CCDC66: variants seen among roughly 807,000 people sequenced by gnomAD.
CCDC66 encodes coiled-coil domain containing 66.
In CCDC66, 133 loss-of-function variants were observed where a neutral mutation model predicts 128.3. The observed-to-expected ratio is 1.04, with a 90% CI of 0.90 to 1.20. The LOEUF is 1.20. Among genes scored for constraint, CCDC66 ranks in the 50% most tolerant of loss-of-function variants. The pLI is 0.00. For synonymous variants in CCDC66, 387 were observed against 357.0 expected, an observed-to-expected ratio of 1.08 and a Z score of -0.95; for missense variants, 1,126 against 1,075.5, an observed-to-expected ratio of 1.05 and a Z score of -0.66.
chr3:56,599,156 GTC>G (rs1202772959), intron 10 of CCDC66, among the ~76,000 whole-genome samples: 1 of 151,940 alleles, frequency 6.6e-6, no homozygotes, highest in African/African-American at 2.4e-5. Flanking sequence ...TAGCTTGTGT[GTC>G]TCCAGGAATT....
intron 3 of CCDC66, chr3:56,561,390 A>G (rs2065079218): frequency 5.0e-6 from 2 of 400,632 alleles, no homozygotes; most frequent in South Asian, 1.8e-5. Context: ...TAGGCCTATA[A>G]TAAAGTTACT....
At chr3:56,620,671 G>C (rs1444227715) in intron 17 of CCDC66, 1 of 152,192 alleles carries the variant, frequency 6.6e-6, no homozygotes, top group Non-Finnish European at 1.5e-5. Context: ...GTTACTAAGA[G>C]TTTTACATAA....
Position 56,613,008 on chromosome 3 carries a change from C to T in CCDC66, c.1405-581C>T, listed in dbSNP as rs555809894. On this transcript the variant is annotated intron_variant, in intron 10 of 17. Transcript: ENST00000394672. Reference sequence around the variant, plus strand: ...CTACTAGGGAGGGTGGGTTTGCTTTCAGTGGGTTGCTCTTGCAGATGGTGA... The same window carrying T: ...CTACTAGGGAGGGTGGGTTTGCTTTTAGTGGGTTGCTCTTGCAGATGGTGA... Among the ~76,000 whole-genome samples the T allele has an allele frequency of 5.6e-4, 85 of 152,316 alleles. No homozygotes were observed. The South Asian group carries it at 0.011, about 20-fold the overall frequency.
At chr3:56,617,979 A>G (rs2075733913) in intron 14 of CCDC66, 193 bp from the exon 15 acceptor site, 1 of 605,100 alleles carries the variant, frequency 1.7e-6, no homozygotes, top group Non-Finnish European at 2.9e-6. Context: ...ACATAGACAG[A>G]GGTTTGGGAG....
chr3:56,609,905 A>G (rs1291497748), intron 10 of CCDC66, among the ~76,000 whole-genome samples: 1 of 152,178 alleles, frequency 6.6e-6, no homozygotes, highest in Non-Finnish European at 1.5e-5. Flanking sequence ...TAGGGCCCCA[A>G]TCTCTTCTAG....
intron 13 of CCDC66, chr3:56,616,909 T>G: frequency 2.2e-6 from 1 of 454,890 alleles, no homozygotes; most frequent in Non-Finnish European, 3.8e-6. Context: ...TATCAGTTCA[T>G]AGAAATGGAA....
chr3:56,609,470 A>G (rs900008966), intron 10 of CCDC66, among the ~76,000 whole-genome samples: 5 of 152,158 alleles, frequency 3.3e-5, no homozygotes, highest in African/African-American at 1.2e-4. Context: ...ACATAAACTT[A>G]AAGTTTAGGT....
chr3:56,563,838 G>A lies in CCDC66; in HGVS notation c.257G>A (p.Gly86Glu). ...ETSQAKGEKN[G>E]MTFSSTKDLC... ...TCACAGGCAAAAGGTGAAAAAAATG[G>A]AATGACTTTTTCATCCACTAAGGAT... is the stretch of plus-strand genomic sequence containing the variant. The change falls in exon 4 of 18, where the codon GGA becomes GAA. Residue 86 changes from glycine to glutamate, a missense_variant. By Grantham distance (98) the Gly-to-Glu change is moderately conservative. Transcript: ENST00000394672. The A allele has an allele frequency of 6.4e-7, 1 of 1,569,654 alleles. No individual in the cohort carries two copies. Among genetic ancestry groups the A allele is most frequent in the Non-Finnish European group, 8.6e-7 (1 of 1,156,118 alleles).
At chr3:56,609,496 G>T (rs139543967) in intron 10 of CCDC66, among the ~76,000 whole-genome samples, 1 of 152,260 alleles carries the variant, frequency 6.6e-6, no homozygotes, top group East Asian at 1.9e-4. Context: ...TCCTAAGAGG[G>T]CAGATGGTTG....
chr3:56,587,928 A>G (rs1007464649), intron 7 of CCDC66, among the ~76,000 whole-genome samples: 2 of 152,250 alleles, frequency 1.3e-5, no homozygotes, highest in Non-Finnish European at 2.9e-5. Flanking sequence ...TTGATTCAGC[A>G]TTCTCACTAC....
chr3:56,591,531 G>T (rs1008587719), intron 7 of CCDC66, among the ~76,000 whole-genome samples: 2 of 152,156 alleles, frequency 1.3e-5, no homozygotes, highest in Non-Finnish European at 2.9e-5. Flanking sequence ...ATGTTTTAAG[G>T]AAGTTTACAA....
At chr3:56,583,988 C>T (rs1483441582) in intron 7 of CCDC66, among the ~76,000 whole-genome samples, 23 of 135,270 alleles carry the variant, frequency 1.7e-4, no homozygotes, top group African/African-American at 5.9e-4. Context: ...CCACCTCCCT[C>T]CCGGACGGGG....
intron 7 of CCDC66, among the ~76,000 whole-genome samples, chr3:56,574,506 C>T (rs1289423500): frequency 1.3e-5 from 2 of 151,702 alleles, no homozygotes; most frequent in Admixed American, 1.3e-4. Flanking sequence ...TTCAGAAATC[C>T]CAGCTGTAGC....
chr3:56,587,407 G>T (rs2069986438), intron 7 of CCDC66, among the ~76,000 whole-genome samples: 1 of 151,878 alleles, frequency 6.6e-6, no homozygotes, highest in South Asian at 2.1e-4. Flanking sequence ...AAGCATAGTG[G>T]CTTCTGCTTC....
Position 56,563,893 on chromosome 3 carries a change from T to C in CCDC66, c.312T>C (p.Cys104=), listed in dbSNP as rs1577240764. The C allele has an allele frequency of 6.2e-7, 1 of 1,612,054 alleles. No homozygotes were observed. Among genetic ancestry groups the C allele is most frequent in the Non-Finnish European group, 8.5e-7 (1 of 1,178,622 alleles). Residue 104 remains cysteine (C), a synonymous_variant, in exon 4 of 18, where the codon TGT becomes TGC. Transcript: ENST00000394672. ...GTAAACAATGTATAGATAAAGACTG[T>C]CTTCATATCCAGAAAGAGATTTCAC... The part of the protein sequence containing the change: ...DLCKQCIDKD[C]LHIQKEISPA...
chr3:56,557,485 A>T (rs2064475256), intron 1 of CCDC66, among the ~76,000 whole-genome samples: 1 of 152,234 alleles, frequency 6.6e-6, no homozygotes, highest in East Asian at 1.9e-4. Context: ...TAAAACTGCC[A>T]GTGATCCCCT....
At position 56,605,485 on chromosome 3, in the gene CCDC66, A is replaced by G. The variant is rs557502303; in HGVS notation, c.1405-8104A>G. On this transcript the variant is annotated intron_variant, in intron 10 of 17. Transcript: ENST00000394672. ...GGACATCCTTTTTGTTGTTGATGCT[A>G]ATCCTTTCTGTTTGTTAGTTTTCCT... 6.6e-5 allele frequency among the ~76,000 whole-genome samples: 10 copies of G among 152,056 alleles called. No individual in the cohort carries two copies. In the East Asian group the frequency reaches 1.9e-3, roughly 29 times the overall value.
At chr3:56,611,342 G>C (rs2074776121) in intron 10 of CCDC66, among the ~76,000 whole-genome samples, 1 of 151,888 alleles carries the variant, frequency 6.6e-6, no homozygotes, top group African/African-American at 2.4e-5. Context: ...GGTTGTCAGG[G>C]AAGTGGGGGA....
intron 7 of CCDC66, chr3:56,572,863 C>T (rs1275431289): frequency 6.6e-6 from 1 of 152,282 alleles, no homozygotes; most frequent in African/African-American, 2.4e-5. Context: ...CCCACAATCC[C>T]AAAAGCACAT....
Sources: gnomAD v4.1 joint callset for allele counts (sites outside exome capture counted in the v4.1 genomes callset) on GRCh38, gnomAD v4.1.1 for gene constraint, MANE v1.5 for transcripts, NCBI Gene and HGNC (gene_info 2026-07-23, HGNC 2026-07-21) for gene names.